The following OLFML2B variants were observed in gnomAD, a reference collection of about 807,000 sequenced individuals.
OLFML2B encodes olfactomedin-like protein 2B.
A neutral mutation model predicts 74.9 loss-of-function variants in OLFML2B; 57 were observed. The ratio of observed to expected loss-of-function variants is 0.76; its 90% CI spans 0.61 to 0.95. The LOEUF is 0.95. Among genes scored for constraint, OLFML2B ranks in the 40% least tolerant of loss-of-function variants. The pLI is 0.00. For missense variants in OLFML2B, 986 were observed against 970.6 expected (o/e 1.02, Z -0.21); for synonymous variants, 388 against 405.8 (o/e 0.96, Z 0.53).
chr1:162,016,497 GTGTTAT>G (rs1334014073), intron 3 of OLFML2B, among the ~76,000 whole-genome samples: 3 of 152,162 alleles, frequency 2.0e-5, no homozygotes, highest in Admixed American at 1.3e-4. Context: ...TACAGTCATT[GTGTTAT>G]TAAATTTGCC....
chr1:162,023,304 C>A lies in OLFML2B; in HGVS notation c.127G>T (p.Glu43Ter). The change falls in exon 1 of 8, where the codon GAG becomes TAG. Residue 43 changes from glutamate to a stop codon, truncating the protein, a stop_gained. Transcript: ENST00000294794. LOFTEE classifies it high-confidence loss of function. ...TTGTCCGCCTCGTTTTGCAGAGTCTCGTCCTCCGCAGGCGCCACTGTCTGC... is the reference window on the plus strand; with the variant it reads ...TTGTCCGCCTCGTTTTGCAGAGTCTAGTCCTCCGCAGGCGCCACTGTCTGC... ...DAQTVAPAED[E>*]TLQNEADNQE... 6.3e-7 allele frequency: 1 copy of A among 1,598,620 alleles called. No homozygotes were observed. The highest frequency in any genetic ancestry group is 8.5e-7 in the Non-Finnish European group (1 of 1,170,596).
At position 162,003,190 on chromosome 1, in the gene OLFML2B, G is replaced by C. The variant is rs548753244; in HGVS notation, c.724-2852C>G. ...CTGCCATCCAAAAACTCGCCTGCCT[G>C]CCCTAGTCCTCCGGGTCATGGTCTG... is the stretch of plus-strand genomic sequence containing the variant. On this transcript the variant is annotated intron_variant, in intron 4 of 7. Coordinates refer to ENST00000294794, the MANE Select transcript of OLFML2B (RefSeq NM_015441.3). Among the ~76,000 whole-genome samples the C allele has an allele frequency of 1.2e-4, 18 of 152,272 alleles. No individual in the cohort carries two copies. The East Asian group carries it at 3.5e-3, about 29-fold the overall frequency.
At chr1:162,003,761 C>T (rs551062088) in intron 4 of OLFML2B, among the ~76,000 whole-genome samples, 1 of 152,256 alleles carries the variant, frequency 6.6e-6, no homozygotes, top group Non-Finnish European at 1.5e-5. Flanking sequence ...CTCACCATTC[C>T]AAGAAAGCTC....
intron 3 of OLFML2B, among the ~76,000 whole-genome samples, chr1:162,016,684 T>G (rs1215489846): frequency 6.6e-6 from 1 of 152,198 alleles, no homozygotes; most frequent in African/African-American, 2.4e-5. Context: ...ACTTTTTGGG[T>G]GACTACATGA....
intron 1 of OLFML2B, among the ~76,000 whole-genome samples, chr1:162,022,260 T>TTTTTTTTTTTTTTC (rs1460566719): frequency 9.4e-5 from 12 of 127,874 alleles, no homozygotes; most frequent in African/African-American, 3.8e-4. Context: ...TTTTTTTTTT[T>TTTTTTTTTTTTTTC]TTTTTTTTGA....
At chr1:162,011,524 C>T (rs754477071) in intron 3 of OLFML2B, among the ~76,000 whole-genome samples, 1 of 152,212 alleles carries the variant, frequency 6.6e-6, no homozygotes, top group African/African-American at 2.4e-5. Context: ...AGCCGGTGCT[C>T]CTGATGGCAG....
In OLFML2B at chr1:162,017,436, G is replaced by A. The variant is rs776586090; in HGVS notation, c.510C>T (p.Thr170=). The A allele has an allele frequency of 2.1e-5, 34 of 1,613,708 alleles. No homozygotes were observed. The South Asian group carries it at 3.4e-4, about 16-fold the overall frequency. The change falls in exon 3 of 8, where the codon ACC becomes ACT. Residue 170 remains threonine (T), a synonymous_variant. Transcript: ENST00000294794. ...TATCCACTCGCCCCACCAGTTTGGT[G>A]GTGACTGAATGTAGCTTCAGGAGAT... ...GLDLLKLHSV[T]TKLVGRVDKL...
chr1:161,986,879 G>C (rs1689606038), intron 6 of OLFML2B, among the ~76,000 whole-genome samples: 1 of 152,260 alleles, frequency 6.6e-6, no homozygotes, highest in African/African-American at 2.4e-5. Context: ...AGATGGCCAT[G>C]AGGTGAGGTG....
chr1:162,020,481 T>G (rs1392636703), intron 1 of OLFML2B, among the ~76,000 whole-genome samples: 1 of 152,190 alleles, frequency 6.6e-6, no homozygotes, highest in African/African-American at 2.4e-5. Flanking sequence ...CCAATAGCCT[T>G]TGCCTTCTGC....
At chr1:162,016,022 C>T (rs1690524763) in intron 3 of OLFML2B, among the ~76,000 whole-genome samples, 1 of 152,176 alleles carries the variant, frequency 6.6e-6, no homozygotes, top group Admixed American at 6.5e-5. Context: ...AGGAGCTAAG[C>T]CCAAGGGCGG....
Position 161,998,105 on chromosome 1 carries a change from G to C in OLFML2B, c.1194C>G (p.Thr398=). 6.2e-7 allele frequency: 1 copy of C among 1,614,058 alleles called. No homozygotes were observed. The highest frequency in any genetic ancestry group is 1.1e-5 in the South Asian group (1 of 91,090). ...HASVGPTLQT[T]SVSPDPTRES... ...CCCTTGTGGGATCTGGAGACACCGA[G>C]GTTGTTTGGAGTGTTGGTCCCACTG... Residue 398 remains threonine (T), a synonymous_variant, in exon 6 of 8, where the codon ACC becomes ACG. Coordinates refer to ENST00000294794, the MANE Select transcript of OLFML2B (RefSeq NM_015441.3).
At chr1:162,020,531 T>C (rs541459999) in intron 1 of OLFML2B, among the ~76,000 whole-genome samples, 17 of 150,988 alleles carry the variant, frequency 1.1e-4, no homozygotes, top group Admixed American at 5.3e-4. Flanking sequence ...TCTTTCTTTT[T>C]CTTTTTTTTT....
intron 4 of OLFML2B, among the ~76,000 whole-genome samples, chr1:162,003,963 G>A (rs1007050261): frequency 2.0e-5 from 3 of 152,174 alleles, no homozygotes; most frequent in African/African-American, 7.2e-5. Context: ...TGATGAATGG[G>A]GACTGGAGGA....
At position 161,983,858 on chromosome 1, in the gene OLFML2B, G is replaced by C; in HGVS notation, c.2070C>G (p.Asn690Lys). The change falls in exon 8 of 8, where the codon AAC (asparagine) becomes AAG (lysine). Residue 690 changes from asparagine to lysine, a missense_variant. Physicochemically the swap from Asn to Lys is moderately conservative, Grantham distance 94. Transcript: ENST00000294794. ...CGVLYAVDSY[N>K]QRNANISYAF... ...CGTAGGAGATGTTGGCATTCCGCTG[G>C]TTGTAGCTATCCACGGCATACAGCA... The C allele has an allele frequency of 3.1e-6, 5 of 1,614,196 alleles. No individual in the cohort carries two copies. Among genetic ancestry groups the C allele is most frequent in the Non-Finnish European group, 4.2e-6 (5 of 1,180,040 alleles).
chr1:162,018,947 T>C (rs977494089), intron 2 of OLFML2B, among the ~76,000 whole-genome samples: 11 of 152,242 alleles, frequency 7.2e-5, no homozygotes, highest in Non-Finnish European at 4.4e-5. Context: ...CCTTATAGTG[T>C]TCCAGAATTC....
intron 7 of OLFML2B, 137 bp downstream of exon 7, chr1:161,984,667 A>G (rs1456636631): frequency 7.6e-6 from 7 of 921,126 alleles, no homozygotes; most frequent in Admixed American, 2.3e-5. Flanking sequence ...CCGCTCTCCA[A>G]GGAAAGGTCC....
At chr1:162,021,777 C>A (rs1388265768) in intron 1 of OLFML2B, among the ~76,000 whole-genome samples, 1 of 152,132 alleles carries the variant, frequency 6.6e-6, no homozygotes, top group East Asian at 1.9e-4. Context: ...TCCTACATAA[C>A]CCTGCTCTGA....
intron 3 of OLFML2B, among the ~76,000 whole-genome samples, chr1:162,016,535 A>C (rs1023858315): frequency 2.0e-5 from 3 of 152,276 alleles, no homozygotes; most frequent in African/African-American, 7.2e-5. Context: ...TGCTGTAAAC[A>C]TTAAAGAAAT....
chr1:161,990,818 C>T (rs1689719300), intron 6 of OLFML2B, among the ~76,000 whole-genome samples: 1 of 152,202 alleles, frequency 6.6e-6, no homozygotes, highest in South Asian at 2.1e-4. Context: ...TTGAGTCAAG[C>T]CTCTCAAACC....
Sources: allele counts gnomAD v4.1 joint callset (sites outside exome capture counted in the v4.1 genomes callset), GRCh38; gene constraint gnomAD v4.1.1; transcripts MANE v1.5; gene names NCBI Gene and HGNC (gene_info 2026-07-23, HGNC 2026-07-21).